IFT81: variants seen among roughly 807,000 people sequenced by gnomAD.
IFT81 encodes intraflagellar transport 81, also known as intraflagellar transport protein 81 homolog.
In IFT81, 72 loss-of-function variants were observed where a neutral mutation model predicts 102.6. The ratio of observed to expected loss-of-function variants is 0.70; its 90% CI spans 0.58 to 0.85. The LOEUF is 0.85. Among genes scored for constraint, IFT81 ranks in the 40% least tolerant of loss-of-function variants. The pLI, the probability that IFT81 is intolerant of heterozygous loss-of-function variation, is 0.00. For synonymous variants in IFT81, 237 were observed against 242.7 expected, an observed-to-expected ratio of 0.98 and a Z score of 0.22; for missense variants, 723 against 787.3, an observed-to-expected ratio of 0.92 and a Z score of 0.98.
intron 9 of IFT81, among the ~76,000 whole-genome samples, 163 bp downstream of exon 9, chr12:110,143,708 G>A (rs563332921): frequency 6.6e-6 from 1 of 152,256 alleles, no homozygotes; most frequent in African/African-American, 2.4e-5. Context: ...AGGAATTATA[G>A]AATGTTATGC....
At chr12:110,144,233 T>G (rs530062588) in intron 9 of IFT81, among the ~76,000 whole-genome samples, 5 of 151,822 alleles carry the variant, frequency 3.3e-5, no homozygotes, top group Non-Finnish European at 7.4e-5. Context: ...TTGTTTTTTT[T>G]TGAGACAGAG....
chr12:110,174,277 CAAAAAAAAAAAAAA>C (rs61353726), intron 11 of IFT81, among the ~76,000 whole-genome samples: 4 of 35,278 alleles, frequency 1.1e-4, no homozygotes, highest in Non-Finnish European at 2.1e-4. Flanking sequence ...GACTCCGTCT[CAAAAAAAAAAAAAA>C]AAAAAAAAAA....
chr12:110,142,857 A>T (rs1305475135), intron 8 of IFT81, among the ~76,000 whole-genome samples: 1 of 152,114 alleles, frequency 6.6e-6, no homozygotes, highest in East Asian at 1.9e-4. Context: ...GAGCTGAGAT[A>T]GTGCCACTAC....
At chr12:110,182,654 T>A (rs1245420553) in intron 12 of IFT81, among the ~76,000 whole-genome samples, 1 of 152,230 alleles carries the variant, frequency 6.6e-6, no homozygotes, top group Non-Finnish European at 1.5e-5. Flanking sequence ...AGCCTTATGA[T>A]ACCCTGCTTT....
rs776524418 is a variant in IFT81 at position 110,127,431 on chromosome 12, T to C, written c.51T>C (p.Phe17=). The C allele has an allele frequency of 9.3e-6, 15 of 1,607,246 alleles. No individual in the cohort carries two copies. The highest frequency in any genetic ancestry group is 1.3e-5 in the Non-Finnish European group (15 of 1,176,932). Residue 17 remains phenylalanine (F), a synonymous_variant, in exon 2 of 19, where the codon TTT becomes TTC. Coordinates refer to ENST00000242591, the MANE Select transcript of IFT81 (RefSeq NM_014055.4). The part of the protein sequence containing the change: ...FIMDSLNKEP[F]RKNYNLITFD... ...TGGACAGTCTCAATAAGGAGCCCTT[T>C]AGGAAGAACTATAATTTAATCACGT... is the stretch of plus-strand genomic sequence containing the variant.
At chr12:110,211,146 C>T (rs546076136) in intron 18 of IFT81, among the ~76,000 whole-genome samples, 1 of 150,982 alleles carries the variant, frequency 6.6e-6, no homozygotes, top group East Asian at 2.0e-4. Flanking sequence ...AGGCACGAGC[C>T]ACGACACCTG....
At chr12:110,177,670 A>G (rs185217010) in intron 11 of IFT81, among the ~76,000 whole-genome samples, 1 of 152,290 alleles carries the variant, frequency 6.6e-6, no homozygotes, top group African/African-American at 2.4e-5. Flanking sequence ...TTTTAATCTT[A>G]GTATTTTAAA....
chr12:110,153,140 C>T (rs1489317555), intron 10 of IFT81, among the ~76,000 whole-genome samples: 2 of 152,202 alleles, frequency 1.3e-5, no homozygotes, highest in African/African-American at 4.8e-5. Flanking sequence ...ATGCTGTTCC[C>T]TAACAGTAAT....
intron 11 of IFT81, 51 bp from the exon 12 acceptor site, chr12:110,180,371 T>G: frequency 8.3e-7 from 1 of 1,205,732 alleles, no homozygotes; most frequent in South Asian, 1.5e-5. Flanking sequence ...TGTATGATAT[T>G]TAGCTACTAC....
intron 5 of IFT81, among the ~76,000 whole-genome samples, chr12:110,133,937 G>T (rs577248616): frequency 1.3e-5 from 2 of 152,292 alleles, no homozygotes; most frequent in South Asian, 4.1e-4. Flanking sequence ...GTCTTTTCAT[G>T]AATGTTTTAT....
intron 10 of IFT81, among the ~76,000 whole-genome samples, chr12:110,154,690 T>A (rs1471997686): frequency 1.3e-5 from 2 of 152,054 alleles, no homozygotes; most frequent in African/African-American, 4.8e-5. Context: ...TCCACAAATT[T>A]GTGAATTTAC....
chr12:110,207,740 T>G (rs950365157), intron 17 of IFT81, among the ~76,000 whole-genome samples: 4 of 151,768 alleles, frequency 2.6e-5, no homozygotes, highest in Admixed American at 2.6e-4. Flanking sequence ...ATTTTTTGAA[T>G]TTTTAGTAGA....
rs750010149 is a variant in IFT81 at position 110,192,635 on chromosome 12, T to C, written c.1486T>C (p.Leu496=). Reference sequence around the variant, plus strand: ...ATAACAGGTGAAAAAACTGTATTCATTGGTATCTGAAAAGAAGTCAGCTCT... The same window carrying C: ...ATAACAGGTGAAAAAACTGTATTCACTGGTATCTGAAAAGAAGTCAGCTCT... ...MSEMVKKLYS[L]VSEKKSALAS... The change falls in exon 14 of 19, where the codon TTG becomes CTG. Residue 496 remains leucine (L), a synonymous_variant. Transcript: ENST00000242591. 2.1e-5 allele frequency: 33 copies of C among 1,576,288 alleles called. No homozygotes were observed. The highest frequency in any genetic ancestry group is 2.6e-5 in the Non-Finnish European group (30 of 1,159,436).
chr12:110,211,170 GCTTT>G (rs946085966), intron 18 of IFT81, among the ~76,000 whole-genome samples: 40 of 144,770 alleles, frequency 2.8e-4, no homozygotes, highest in Admixed American at 1.8e-3. Context: ...TTCGTATTAG[GCTTT>G]CTTTTTTTTT....
At chr12:110,130,427 T>C (rs1453894953) in intron 4 of IFT81, among the ~76,000 whole-genome samples, 1 of 149,640 alleles carries the variant, frequency 6.7e-6, no homozygotes, top group East Asian at 1.9e-4. Context: ...TGGAGTGCAG[T>C]GGTGCAATCT....
At chr12:110,154,945 TG>T (rs1333204210) in intron 10 of IFT81, among the ~76,000 whole-genome samples, 9 of 150,516 alleles carry the variant, frequency 6.0e-5, no homozygotes, top group African/African-American at 2.2e-4. Context: ...ATATTCTGTT[TG>T]TTCTATCCAT....
intron 8 of IFT81, among the ~76,000 whole-genome samples, chr12:110,139,608 T>TA (rs35191329): frequency 6.6e-6 from 1 of 150,616 alleles, no homozygotes; most frequent in Non-Finnish European, 1.5e-5. Context: ...CTGTCTCTAC[T>TA]AAAAAAATAT....
intron 11 of IFT81, among the ~76,000 whole-genome samples, chr12:110,177,636 G>A (rs1392277092): frequency 1.3e-5 from 2 of 152,138 alleles, no homozygotes; most frequent in Admixed American, 6.5e-5. Flanking sequence ...CTAGGAATTG[G>A]AAGTTTATTT....
chr12:110,140,276 A>G (rs1403707954), intron 8 of IFT81, among the ~76,000 whole-genome samples: 1 of 152,060 alleles, frequency 6.6e-6, no homozygotes, highest in East Asian at 1.9e-4. Context: ...CTTTCCTCCC[A>G]TGCCCTAAAG....
Sources: gnomAD v4.1 joint callset for allele counts (sites outside exome capture counted in the v4.1 genomes callset) on GRCh38, gnomAD v4.1.1 for gene constraint, MANE v1.5 for transcripts, NCBI Gene and HGNC (gene_info 2026-07-23, HGNC 2026-07-21) for gene names.